The following MYO1F variants were observed in gnomAD, a reference collection of about 807,000 sequenced individuals.
MYO1F encodes myosin IF.
Under a neutral mutation model 146.6 loss-of-function variants are expected in MYO1F, and 60 were observed. That is an observed-to-expected ratio of 0.41 (90% confidence interval 0.33 to 0.51). The LOEUF is 0.51. Ranked by LOEUF, MYO1F falls within the 20% of genes least tolerant of loss-of-function variation. The pLI is 0.25. For synonymous variants in MYO1F, 602 were observed against 602.1 expected, an observed-to-expected ratio of 1.00 and a Z score of 0.00; for missense variants, 1,274 against 1,534.3, an observed-to-expected ratio of 0.83 and a Z score of 2.83.
chr19:8,561,393 CCTTCCTTCCTTTCTCCT>C (rs1974104647), intron 1 of MYO1F, among the ~76,000 whole-genome samples: 1 of 75,598 alleles, frequency 1.3e-5, no homozygotes, highest in African/African-American at 6.0e-5. Flanking sequence ...CCCCTTCTTT[CCTTCCTTCCTTTCTCCT>C]CTCCCTCCCT....
intron 15 of MYO1F, 145 bp from the exon 16 acceptor site, chr19:8,540,173 G>A: frequency 1.6e-6 from 1 of 635,272 alleles, no homozygotes; most frequent in South Asian, 2.3e-5. Flanking sequence ...GAGATGCAGA[G>A]GGTTGGTTTT....
chr19:8,527,562 G>T, intron 21 of MYO1F, 79 bp from the exon 22 acceptor site: 3 of 1,574,380 alleles, frequency 1.9e-6, no homozygotes, highest in Non-Finnish European at 2.6e-6. Context: ...AGGCAGAGGG[G>T]TGGTGCTGGC....
At chr19:8,541,813 T>G in intron 15 of MYO1F, 93 bp downstream of exon 15, 2 of 1,144,710 alleles carry the variant, frequency 1.7e-6, no homozygotes, top group Non-Finnish European at 2.6e-6. Flanking sequence ...TGTGGCGAGA[T>G]GGCAGTTCTG....
At chr19:8,551,968 C>G in intron 7 of MYO1F, 65 bp downstream of exon 7, 1 of 1,613,898 alleles carries the variant, frequency 6.2e-7, no homozygotes, top group Non-Finnish European at 8.5e-7. Flanking sequence ...AGGTGTTTAC[C>G]TTCCCATTGT....
intron 1 of MYO1F, among the ~76,000 whole-genome samples, chr19:8,561,375 T>TCCCC (rs1555729017): frequency 9.7e-5 from 6 of 62,122 alleles, no homozygotes; most frequent in Admixed American, 1.6e-4. Context: ...CCTCCCTCCC[T>TCCCC]CCCTTCCCCC....
intron 1 of MYO1F, among the ~76,000 whole-genome samples, chr19:8,558,005 TTTG>T (rs1295022756): frequency 6.6e-6 from 1 of 152,034 alleles, no homozygotes; most frequent in African/African-American, 2.4e-5. Context: ...TGTGTATGAC[TTTG>T]TTCCTCAGCT....
chr19:8,537,332 G>GTT (rs1972771492), intron 16 of MYO1F, among the ~76,000 whole-genome samples: 1 of 152,172 alleles, frequency 6.6e-6, no homozygotes, highest in Non-Finnish European at 1.5e-5. Flanking sequence ...TTGGCACATA[G>GTT]TAAGTGCTCA....
At position 8,535,343 on chromosome 19, in the gene MYO1F, G is replaced by A. The variant is rs114612073; in HGVS notation, c.2043+909C>T. Among the ~76,000 whole-genome samples, 641 of 152,158 alleles carry A rather than the reference G, an allele frequency of 4.2e-3. 5 individuals are homozygous for A. Among genetic ancestry groups the A allele is most frequent in the African/African-American group, 0.014 (584 of 41,506 alleles). On this transcript the variant is annotated intron_variant, in intron 19 of 27. Coordinates refer to ENST00000644032, the MANE Select transcript of MYO1F (RefSeq NM_012335.4). Reference sequence around the variant, plus strand: ...GAATTTCATTATTTCTACCCCGTCCGTCTTCTCCAAATCAAAATCTATAGA... The same window carrying A: ...GAATTTCATTATTTCTACCCCGTCCATCTTCTCCAAATCAAAATCTATAGA...
rs1262461645 is a variant in MYO1F, at chr19:8,522,470, C to T, written c.3127G>A (p.Gly1043Ser). The T allele has an allele frequency of 1.2e-6, 2 of 1,614,058 alleles. No individual in the cohort carries two copies. Among genetic ancestry groups the T allele is most frequent in the South Asian group, 2.2e-5 (2 of 91,068 alleles). ...TGGTATAGGGCCCGGCACCTGGGACCATGTGTCCGAGGCTGGGGCTTGGGT... is the reference window on the plus strand; with the variant it reads ...TGGTATAGGGCCCGGCACCTGGGACTATGTGTCCGAGGCTGGGGCTTGGGT... ...GRPKPQPRTH[G>S]PRCRALYQYV... Residue 1043 changes from glycine to serine, a missense_variant, in exon 27 of 28, where the codon GGT becomes AGT. This residue lies in a region of MYO1F where 374 missense variants were observed against 379.2 expected (regional missense o/e 0.99). Coordinates refer to ENST00000644032, the MANE Select transcript of MYO1F (RefSeq NM_012335.4).
intron 12 of MYO1F, 184 bp downstream of exon 12, chr19:8,547,852 C>T (rs1160369432): frequency 1.4e-4 from 89 of 618,532 alleles, no homozygotes; most frequent in Middle Eastern, 8.7e-4. Flanking sequence ...CTAAGAGGCA[C>T]GGTCCTTCCC....
At chr19:8,560,742 A>ATTTTT (rs71175875) in intron 1 of MYO1F, among the ~76,000 whole-genome samples, 35,412 of 133,442 alleles carry the variant, frequency 0.27, 5,479 homozygotes, top group East Asian at 0.55. Flanking sequence ...CGCCTGGCTA[A>ATTTTT]TTTTTTTTTT....
chr19:8,526,418 C>G, intron 24 of MYO1F, 35 bp downstream of exon 24: 2 of 1,548,742 alleles, frequency 1.3e-6, no homozygotes, highest in Non-Finnish European at 1.7e-6. Context: ...CCTCGCTGGC[C>G]CCGCCCCCTC....
chr19:8,534,633 T>G (rs1415506508), intron 19 of MYO1F, among the ~76,000 whole-genome samples: 2 of 151,322 alleles, frequency 1.3e-5, no homozygotes, highest in Non-Finnish European at 2.9e-5. Context: ...TTTACTAATT[T>G]TTTTTTTTTT....
intron 1 of MYO1F, among the ~76,000 whole-genome samples, chr19:8,557,352 A>G (rs1385728046): frequency 1.3e-5 from 2 of 152,182 alleles, no homozygotes; most frequent in African/African-American, 4.8e-5. Context: ...GCTGGAGTGC[A>G]GTGGTGTGAT....
Position 8,577,364 on chromosome 19 carries a change from G to T in MYO1F, c.-55C>A. 2 of 1,610,146 alleles carry T rather than the reference G, an allele frequency of 1.2e-6. No homozygotes were observed. The highest frequency in any genetic ancestry group is 2.2e-5 in the South Asian group (2 of 90,814). ...GGCTCCTGAATGGGTCGTGATGGAGGTGCAGGTTCAGGGGGATCTTGGGGG... is the reference window on the plus strand; with the variant it reads ...GGCTCCTGAATGGGTCGTGATGGAGTTGCAGGTTCAGGGGGATCTTGGGGG... On this transcript the variant is annotated 5_prime_UTR_variant, in exon 1 of 28. Transcript: ENST00000644032. The surrounding 1 kb of genome is among the most constrained non-coding windows in gnomAD (Gnocchi z 4.3).
intron 14 of MYO1F, chr19:8,543,960 G>GTGCTGGTGCTGGTGC: frequency 2.9e-6 from 1 of 348,964 alleles, no homozygotes; most frequent in Non-Finnish European, 5.2e-6. Flanking sequence ...GGTGGTGGTG[G>GTGCTGGTGCTGGTGC]TGGTGGTGGT....
intron 25 of MYO1F, among the ~76,000 whole-genome samples, chr19:8,524,037 T>G (rs1972163682): frequency 7.2e-6 from 1 of 139,468 alleles, no homozygotes; most frequent in African/African-American, 2.7e-5. Context: ...GAGAATTGCT[T>G]CAACCTGGGA....
At position 8,536,595 on chromosome 19, in the gene MYO1F, A is replaced by C. The variant is rs1300652931; in HGVS notation, c.1802T>G (p.Val601Gly). ...KRPRDWEENR[V>G]KHQVEYLGLK... ...GCCCAGGTATTCCACCTGGTGCTTG[A>C]CTCTGGTGGGGAGGGTAGGCTGAGT... The change falls in exon 18 of 28, where the codon GTC (valine) becomes GGC (glycine). Residue 601 changes from valine (V) to glycine (G), a missense_variant and splice_region_variant. By Grantham distance (109) the Val-to-Gly change is moderately radical. Transcript: ENST00000644032. The C allele has an allele frequency of 7.3e-7, 1 of 1,362,432 alleles. No homozygotes were observed. The highest frequency in any genetic ancestry group is 2.1e-5 in the Admixed American group (1 of 47,172). 84.4% of individuals were successfully genotyped at this position (1,362,432 alleles called of 1,614,324 possible). A position where few individuals can be genotyped will look rare whatever the true frequency, so the allele number is the denominator to read the frequency against.
intron 4 of MYO1F, 33 bp from the exon 5 acceptor site, chr19:8,553,470 G>T: frequency 1.3e-6 from 2 of 1,592,422 alleles, no homozygotes; most frequent in Non-Finnish European, 1.7e-6. Context: ...ATGATCAGTG[G>T]TTGGGGAAGA....
Sources: gnomAD v4.1 joint callset for allele counts (sites outside exome capture counted in the v4.1 genomes callset) on GRCh38, gnomAD v4.1.1 for gene constraint, gnomAD v4.1.1 regional missense constraint, Gnocchi (gnomAD v3.1) non-coding constraint, MANE v1.5 for transcripts, NCBI Gene and HGNC (gene_info 2026-07-23, HGNC 2026-07-21) for gene names.